CFAP20DC: variants seen among roughly 807,000 people sequenced by gnomAD.
CFAP20DC encodes the protein protein CFAP20DC.
In CFAP20DC, 84 loss-of-function variants were observed where a neutral mutation model predicts 101.7. That is an observed-to-expected ratio of 0.83 (90% CI 0.69 to 0.99). The LOEUF is 0.99. Among genes scored for constraint, CFAP20DC ranks in the 50% least tolerant of loss-of-function variants. The pLI, the probability that CFAP20DC is intolerant of heterozygous loss-of-function variation, is 0.00. For synonymous variants in CFAP20DC, 359 were observed against 351.2 expected (o/e 1.02, Z -0.25); for missense variants, 1,007 against 970.3 (o/e 1.04, Z -0.50).
chr3:58,744,709 G>A (rs1192580080), intron 16 of CFAP20DC, among the ~76,000 whole-genome samples: 1 of 152,078 alleles, frequency 6.6e-6, no homozygotes, highest in East Asian at 1.9e-4. Context: ...AAGAAAATCT[G>A]GGGTTCCAGG....
Position 58,843,124 on chromosome 3 carries a change from A to T in CFAP20DC, c.1971+5908T>A, listed in dbSNP as rs563781860. 2.6e-5 allele frequency among the ~76,000 whole-genome samples: 4 copies of T among 152,348 alleles called. No individual in the cohort carries two copies. The East Asian group carries it at 5.8e-4, about 22-fold the overall frequency. The stretch of plus-strand genomic sequence containing the variant: ...AGAGCGCCTCTCTTCCTCCAAAGGA[A>T]CACAGTTCCTCACCAGCAACGGAAT... On this transcript the variant is annotated intron_variant, in intron 13 of 16. Transcript: ENST00000482387.
At chr3:59,028,249 A>C (rs899553860) in intron 4 of CFAP20DC, among the ~76,000 whole-genome samples, 21 of 152,236 alleles carry the variant, frequency 1.4e-4, no homozygotes, top group African/African-American at 4.6e-4. Flanking sequence ...AAGAAGAGTT[A>C]AAGTTGTTTC....
rs183772686 is a variant in CFAP20DC at position 58,918,365 on chromosome 3, G to C, written c.394-4501C>G. On this transcript the variant is annotated intron_variant, in intron 5 of 16. Transcript: ENST00000482387. Reference sequence around the variant, plus strand: ...ATCAATCTTCATTCAATCACTCCCTGGTCATTCCTGTCACTCCTACAGATG... The same window carrying C: ...ATCAATCTTCATTCAATCACTCCCTCGTCATTCCTGTCACTCCTACAGATG... 9.9e-5 allele frequency among the ~76,000 whole-genome samples: 15 copies of C among 152,050 alleles called. No homozygotes were observed. In the East Asian group the frequency reaches 1.4e-3, roughly 14 times the overall value.
chr3:58,811,766 A>G (rs561000033), intron 14 of CFAP20DC, among the ~76,000 whole-genome samples: 2,119 of 152,128 alleles, frequency 0.014, 27 homozygotes, highest in Non-Finnish European at 0.02. Context: ...GAGTGAACAG[A>G]CAACCTACAA....
chr3:58,883,989 G>A (rs1281162187), intron 7 of CFAP20DC, among the ~76,000 whole-genome samples: 1 of 152,006 alleles, frequency 6.6e-6, no homozygotes, highest in Non-Finnish European at 1.5e-5. Flanking sequence ...GGCCCATGGA[G>A]TGTTTAAAAA....
At chr3:58,802,002 G>C (rs2073747368) in intron 15 of CFAP20DC, among the ~76,000 whole-genome samples, 1 of 152,080 alleles carries the variant, frequency 6.6e-6, no homozygotes, top group Non-Finnish European at 1.5e-5. Flanking sequence ...CAAAGCCTTT[G>C]ACTACATTCC....
At chr3:58,736,260 C>G (rs952307814) in intron 3 of CFAP20DC, among the ~76,000 whole-genome samples, 2 of 152,284 alleles carry the variant, frequency 1.3e-5, no homozygotes, top group South Asian at 4.1e-4. Context: ...AAAGGAAGCT[C>G]TCTTCAACTG....
chr3:58,854,504 C>T (rs1044341013), intron 12 of CFAP20DC, among the ~76,000 whole-genome samples: 4 of 152,092 alleles, frequency 2.6e-5, no homozygotes, highest in African/African-American at 4.8e-5. Context: ...TCATATGGCA[C>T]CAAAAAAGAG....
At chr3:58,840,986 T>A (rs1045550118) in intron 13 of CFAP20DC, among the ~76,000 whole-genome samples, 2 of 152,254 alleles carry the variant, frequency 1.3e-5, no homozygotes, top group Admixed American at 1.3e-4. Context: ...TGCTTTTGAC[T>A]TTTCAGTCAT....
chr3:58,931,851 C>G (rs557340327), intron 5 of CFAP20DC, among the ~76,000 whole-genome samples: 2 of 152,328 alleles, frequency 1.3e-5, no homozygotes, highest in African/African-American at 4.8e-5. Context: ...ACTGGAAACT[C>G]TAAAAAGCAG....
chr3:58,767,596 G>A (rs1184186258), intron 15 of CFAP20DC, among the ~76,000 whole-genome samples: 1 of 152,124 alleles, frequency 6.6e-6, no homozygotes, highest in Non-Finnish European at 1.5e-5. Context: ...GTCTTGCTAT[G>A]TTTCCCAGCC....
intron 14 of CFAP20DC, 74 bp downstream of exon 14, chr3:58,831,609 GGCA>G: frequency 7.7e-7 from 1 of 1,304,120 alleles, no homozygotes; most frequent in Non-Finnish European, 1.1e-6. Context: ...GGCTTTTCCA[GGCA>G]AAGCTGGGAT....
chr3:59,049,544 C>T lies in CFAP20DC; in HGVS notation c.21+67G>A. 3 of 1,429,128 alleles carry T rather than the reference C, an allele frequency of 2.1e-6. No homozygotes were observed. In the South Asian group the frequency reaches 3.7e-5, roughly 17 times the overall value. The allele number at this position is 1,429,128 out of a possible 1,614,324, so 88.5% of individuals were successfully genotyped here. On this transcript the variant is annotated intron_variant, in intron 1 of 16. Coordinates refer to ENST00000482387, the MANE Select transcript of CFAP20DC (RefSeq NM_001394063.1). ...ATAGAGGGTGCACTTTATCCTCACC[C>T]CGATCACGGACTACCTCACCCAAGA...
In CFAP20DC at chr3:58,912,356, T is replaced by C. The variant is rs1419471124; in HGVS notation, c.550+1352A>G. Among the ~76,000 whole-genome samples the C allele has an allele frequency of 6.6e-6, 1 of 152,204 alleles. No homozygotes were observed. The highest frequency in any genetic ancestry group is 2.4e-5 in the African/African-American group (1 of 41,466). On this transcript the variant is annotated intron_variant, in intron 6 of 16. Coordinates refer to ENST00000482387, the MANE Select transcript of CFAP20DC (RefSeq NM_001394063.1). This position sits in a 1 kb window ranked among gnomAD's most constrained non-coding sequence, Gnocchi z 4.4. Reference sequence around the variant, plus strand: ...AAATGAAATCTTTCACTTTCTCGTATAGTCTGTAAGTGGGTACATAAGATG... The same window carrying C: ...AAATGAAATCTTTCACTTTCTCGTACAGTCTGTAAGTGGGTACATAAGATG...
Position 58,971,797 on chromosome 3 carries a change from CAA to C in CFAP20DC, c.279-34037_279-34036del, listed in dbSNP as rs35809266. 6.6e-6 allele frequency among the ~76,000 whole-genome samples: 1 copy of C among 151,678 alleles called. No individual in the cohort carries two copies. Among genetic ancestry groups the C allele is most frequent in the Admixed American group, 6.6e-5 (1 of 15,184 alleles). On this transcript the variant is annotated intron_variant, in intron 4 of 16. Coordinates refer to ENST00000482387, the MANE Select transcript of CFAP20DC (RefSeq NM_001394063.1). The surrounding 1 kb of genome is among the most constrained non-coding windows in gnomAD (Gnocchi z 4.1). ...CCACTGTCACTACCAAACCAAATGC[CAA>C]AAAGTGTGAATGGTATGATTCCACT...
chr3:58,891,651 GTTAT>G (rs896248056), intron 6 of CFAP20DC, among the ~76,000 whole-genome samples: 70 of 152,048 alleles, frequency 4.6e-4, no homozygotes, highest in African/African-American at 1.4e-3. Context: ...TTTTAATGGG[GTTAT>G]TTGTTTTTTT....
At chr3:58,972,573 T>C (rs1262699383) in intron 4 of CFAP20DC, among the ~76,000 whole-genome samples, 1 of 152,176 alleles carries the variant, frequency 6.6e-6, no homozygotes, top group Non-Finnish European at 1.5e-5. Flanking sequence ...AAATGAAAGG[T>C]GAAATTAGAA....
In CFAP20DC at chr3:58,799,113, T is replaced by C. The variant is rs1315349546; in HGVS notation, c.2237+7282A>G. The stretch of plus-strand genomic sequence containing the variant: ...GTGTATGCATATAAATAATGGTTTT[T>C]TTTTTCTATTTGCTTACCCAGATTC... On this transcript the variant is annotated intron_variant, in intron 15 of 16. Transcript: ENST00000482387. This position sits in a 1 kb window ranked among gnomAD's most constrained non-coding sequence, Gnocchi z 4.9. 2.0e-5 allele frequency among the ~76,000 whole-genome samples: 3 copies of C among 152,148 alleles called. No individual in the cohort carries two copies. The highest frequency in any genetic ancestry group is 6.5e-5 in the Admixed American group (1 of 15,268).
intron 13 of CFAP20DC, among the ~76,000 whole-genome samples, chr3:58,846,379 CAGAG>C (rs1470602927): frequency 0.02 from 3,044 of 151,706 alleles, 85 homozygotes; most frequent in African/African-American, 0.069. Context: ...AACAGACAAA[CAGAG>C]AGCCAAATCA....
Sources: gnomAD v4.1 joint callset for allele counts (sites outside exome capture counted in the v4.1 genomes callset) on GRCh38, gnomAD v4.1.1 for gene constraint, Gnocchi (gnomAD v3.1) non-coding constraint, MANE v1.5 for transcripts, NCBI Gene and HGNC (gene_info 2026-07-23, HGNC 2026-07-21) for gene names.